The following ASAP1 variants were observed in gnomAD, a reference collection of about 807,000 sequenced individuals.
ASAP1 encodes ArfGAP with SH3 domain, ankyrin repeat and PH domain 1, also known as arf-GAP with SH3 domain, ANK repeat and PH domain-containing protein 1.
ASAP1 carries 43 observed loss-of-function variants against 145.2 expected under a neutral mutation model. The ratio of observed to expected loss-of-function variants is 0.30; its 90% CI spans 0.23 to 0.38. The LOEUF (loss-of-function observed/expected upper bound fraction) is 0.38, where lower values mean the gene tolerates loss of function less well. Among genes scored for constraint, ASAP1 ranks in the 10% least tolerant of loss-of-function variants. The pLI is 1.00. For missense variants in ASAP1, 1,018 were observed against 1,355.3 expected (o/e 0.75, Z 3.91); for synonymous variants, 546 against 515.5 (o/e 1.06, Z -0.80).
intron 29 of ASAP1, among the ~76,000 whole-genome samples, 185 bp from the exon 30 acceptor site, chr8:130,054,990 G>C (rs1176132023): frequency 1.3e-5 from 2 of 152,120 alleles, no homozygotes; most frequent in Non-Finnish European, 2.9e-5. Flanking sequence ...TAAGGAAAGA[G>C]CAAACGACAG....
intron 5 of ASAP1, among the ~76,000 whole-genome samples, chr8:130,199,698 C>CTT (rs1451578504): frequency 1.4e-4 from 21 of 152,166 alleles, no homozygotes; most frequent in African/African-American, 3.9e-4. Flanking sequence ...TTGTAACACT[C>CTT]TTACAGCTTA....
At chr8:130,126,644 A>G (rs933518039) in intron 16 of ASAP1, among the ~76,000 whole-genome samples, 4 of 152,186 alleles carry the variant, frequency 2.6e-5, no homozygotes, top group Admixed American at 1.3e-4. Flanking sequence ...ATGTTAGCCA[A>G]ATCTTCAGGT....
At chr8:130,256,777 ATATATC>A (rs1819589992) in intron 3 of ASAP1, among the ~76,000 whole-genome samples, 2 of 123,544 alleles carry the variant, frequency 1.6e-5, no homozygotes, top group African/African-American at 2.9e-5. Context: ...ATATATATAT[ATATATC>A]CTTATATATA....
chr8:130,228,083 C>T (rs1311578344), intron 4 of ASAP1, among the ~76,000 whole-genome samples: 1 of 152,152 alleles, frequency 6.6e-6, no homozygotes, highest in African/African-American at 2.4e-5. Context: ...GTATCTTCAT[C>T]TCATTTCATA....
In ASAP1 at chr8:130,234,241, C is replaced by T. The variant is rs75867003; in HGVS notation, c.259+2681G>A. On this transcript the variant is annotated intron_variant, in intron 4 of 29. Coordinates refer to ENST00000518721, the MANE Select transcript of ASAP1 (RefSeq NM_018482.4). ...CAATATGGCACCCACTAGTCATATA[C>T]GGCTGTTAAGTTCTTGAAATGTGGC... 7.5e-3 allele frequency among the ~76,000 whole-genome samples: 1,137 copies of T among 152,162 alleles called. 16 individuals are homozygous for T. The highest frequency in any genetic ancestry group is 0.025 in the African/African-American group (1,057 of 41,524).
chr8:130,339,333 C>A (rs181757771), intron 3 of ASAP1, among the ~76,000 whole-genome samples: 12 of 152,292 alleles, frequency 7.9e-5, no homozygotes, highest in African/African-American at 2.9e-4. Context: ...AACTTTCACA[C>A]CTGTTTAAAG....
intron 16 of ASAP1, 136 bp downstream of exon 16, chr8:130,127,791 C>T (rs149793765): frequency 1.1e-5 from 11 of 995,238 alleles, no homozygotes; most frequent in African/African-American, 3.4e-5. Context: ...GGAAAAATCA[C>T]GTTGGGAATA....
intron 3 of ASAP1, among the ~76,000 whole-genome samples, chr8:130,323,264 C>A (rs908404015): frequency 6.6e-6 from 1 of 152,124 alleles, no homozygotes; most frequent in African/African-American, 2.4e-5. Flanking sequence ...CTGAACATTA[C>A]GGACTGGACA....
At chr8:130,184,800 C>A (rs1814607467) in intron 7 of ASAP1, among the ~76,000 whole-genome samples, 1 of 152,210 alleles carries the variant, frequency 6.6e-6, no homozygotes, top group Non-Finnish European at 1.5e-5. Context: ...TATTGTGTGA[C>A]TTCCCTATGC....
At chr8:130,177,596 G>T (rs1814051595) in intron 9 of ASAP1, among the ~76,000 whole-genome samples, 1 of 151,966 alleles carries the variant, frequency 6.6e-6, no homozygotes, top group South Asian at 2.1e-4. Flanking sequence ...GTTAATCCAG[G>T]TCTTCAATAA....
At chr8:130,107,183 CTT>C (rs34978580) in intron 24 of ASAP1, among the ~76,000 whole-genome samples, 4 of 119,646 alleles carry the variant, frequency 3.3e-5, no homozygotes, top group East Asian at 2.5e-4. Context: ...TCTTCTTCTT[CTT>C]TTTTTTTTTT....
rs2097396644 is a variant in ASAP1 at position 130,053,150 on chromosome 8, G to C, written c.*1581C>G. 1 of 152,210 alleles carries C rather than the reference G, an allele frequency of 6.6e-6. No individual in the cohort carries two copies. Among genetic ancestry groups the C allele is most frequent in the Non-Finnish European group, 1.5e-5 (1 of 68,034 alleles). The allele number at this position is 152,210 out of a possible 1,614,324, so 9.4% of individuals were successfully genotyped here. A position where few individuals can be genotyped will look rare whatever the true frequency, so the allele number is the denominator to read the frequency against. ...ATTAATATTCACTGAGCACTGTAAC[G>C]ATGGAAGAGGGCTTTTCCTAAGGGT... On this transcript the variant is annotated 3_prime_UTR_variant, in exon 30 of 30. Coordinates refer to ENST00000518721, the MANE Select transcript of ASAP1 (RefSeq NM_018482.4).
intron 3 of ASAP1, among the ~76,000 whole-genome samples, chr8:130,299,487 T>A (rs1822490689): frequency 2.0e-5 from 3 of 152,214 alleles, no homozygotes; most frequent in Non-Finnish European, 4.4e-5. Context: ...GCACAGTACC[T>A]TTCTCATCCT....
chr8:130,193,453 T>G (rs375106063), intron 5 of ASAP1, among the ~76,000 whole-genome samples: 1 of 152,042 alleles, frequency 6.6e-6, no homozygotes, highest in Non-Finnish European at 1.5e-5. Context: ...TACACAGAAA[T>G]CTGTTGATAC....
intron 3 of ASAP1, among the ~76,000 whole-genome samples, chr8:130,269,729 G>C (rs1205564337): frequency 6.6e-6 from 1 of 152,188 alleles, no homozygotes; most frequent in African/African-American, 2.4e-5. Context: ...AGGGTCTCTG[G>C]TTATATGAAC....
chr8:130,188,590 C>G (rs1323314009), intron 5 of ASAP1, among the ~76,000 whole-genome samples: 1 of 151,286 alleles, frequency 6.6e-6, no homozygotes, highest in Non-Finnish European at 1.5e-5. Flanking sequence ...AAAAATTAGC[C>G]AGGTATGGTG....
At chr8:130,064,934 T>TGTGTGTGA (rs56705405) in intron 27 of ASAP1, among the ~76,000 whole-genome samples, 1 of 146,520 alleles carries the variant, frequency 6.8e-6, no homozygotes, top group East Asian at 2.0e-4. Context: ...TGTGTGTGTG[T>TGTGTGTGA]AAGAATCACA....
chr8:130,425,408 T>C (rs1829879768), intron 1 of ASAP1, among the ~76,000 whole-genome samples: 1 of 151,740 alleles, frequency 6.6e-6, no homozygotes. Flanking sequence ...TCCCAACTGT[T>C]TGGGAGGCTG....
At chr8:130,109,046 AT>A (rs1199839711) in intron 24 of ASAP1, among the ~76,000 whole-genome samples, 1 of 152,046 alleles carries the variant, frequency 6.6e-6, no homozygotes, top group African/African-American at 2.4e-5. Flanking sequence ...AAGTGTTGGG[AT>A]TATAGGCGTA....
Sources: allele counts gnomAD v4.1 joint callset (sites outside exome capture counted in the v4.1 genomes callset), GRCh38; gene constraint gnomAD v4.1.1; transcripts MANE v1.5; gene names NCBI Gene and HGNC (gene_info 2026-07-23, HGNC 2026-07-21).